Variants in OPCML observed in about 807,000 individuals in gnomAD.
The protein encoded by OPCML is opioid binding protein/cell adhesion molecule like, also known as opioid-binding protein/cell adhesion molecule.
OPCML carries 13 observed loss-of-function variants against 37.8 expected under a neutral mutation model. The observed-to-expected ratio is 0.34, with a 90% confidence interval of 0.22 to 0.55. OPCML has a LOEUF of 0.55. Ranked by LOEUF, OPCML falls within the 20% of genes least tolerant of loss-of-function variation. The pLI is 0.91. For missense variants in OPCML, 341 were observed against 435.6 expected, an observed-to-expected ratio of 0.78 and a Z score of 1.93; for synonymous variants, 176 against 168.8, an observed-to-expected ratio of 1.04 and a Z score of -0.33.
In OPCML at chr11:132,495,594, T is replaced by A. The variant is rs930718633; in HGVS notation, c.505+33467A>T. 7.2e-5 allele frequency among the ~76,000 whole-genome samples: 11 copies of A among 152,276 alleles called. 1 individual carries two copies. In the South Asian group the frequency reaches 2.3e-3, roughly 32 times the overall value. On this transcript the variant is annotated intron_variant, in intron 4 of 7. Transcript: ENST00000524381. Reference sequence around the variant, plus strand: ...AGGATGAATATTGTATAGAGTGGTTTAAAATGTTTGCTCTTGGCCTGGCGC... The same window carrying A: ...AGGATGAATATTGTATAGAGTGGTTAAAAATGTTTGCTCTTGGCCTGGCGC...
rs183144238 is a variant in OPCML at position 133,242,223 on chromosome 11, T to C, written c.61+290041A>G. On this transcript the variant is annotated intron_variant, in intron 1 of 7. Coordinates refer to ENST00000524381, the MANE Select transcript of OPCML (RefSeq NM_001012393.5). ...AGTCACCTGAAGAAGATTTAGAGAA[T>C]GATACGATTACCACATCACCAGGAG... Among the ~76,000 whole-genome samples the C allele has an allele frequency of 1.6e-3, 239 of 152,258 alleles. 1 individual carries two copies. Among genetic ancestry groups the C allele is most frequent in the African/African-American group, 5.5e-3 (227 of 41,550 alleles).
chr11:132,965,364 C>CG (rs1013704151), intron 1 of OPCML, among the ~76,000 whole-genome samples: 39 of 152,042 alleles, frequency 2.6e-4, no homozygotes, highest in South Asian at 1.3e-3. Context: ...TGTTTTGTGT[C>CG]GGGGGGAGAT....
At position 132,480,954 on chromosome 11, in the gene OPCML, G is replaced by T. The variant is rs568882192; in HGVS notation, c.506-43595C>A. 3.3e-5 allele frequency among the ~76,000 whole-genome samples: 5 copies of T among 151,754 alleles called. No individual in the cohort carries two copies. The South Asian group carries it at 1.1e-3, about 32-fold the overall frequency. On this transcript the variant is annotated intron_variant, in intron 4 of 7. Transcript: ENST00000524381. ...AGACCATCGAGACTAGGAAGAAACT[G>T]CATGAAATAATGAGCAAAATAACCA...
chr11:132,447,853 G>T (rs1435482939), intron 4 of OPCML, among the ~76,000 whole-genome samples: 2 of 152,208 alleles, frequency 1.3e-5, no homozygotes, highest in African/African-American at 2.4e-5. Flanking sequence ...CTGGACTGAT[G>T]GTCAAGAAAG....
intron 1 of OPCML, among the ~76,000 whole-genome samples, chr11:133,188,221 C>A (rs1055016048): frequency 1.3e-5 from 2 of 152,198 alleles, no homozygotes; most frequent in Non-Finnish European, 2.9e-5. Context: ...TCATTGAGTT[C>A]CTGAGTGCTG....
At chr11:133,442,533 A>G (rs985419782) in intron 1 of OPCML, among the ~76,000 whole-genome samples, 5 of 152,190 alleles carry the variant, frequency 3.3e-5, no homozygotes, top group Non-Finnish European at 7.3e-5. Context: ...CTCAGAATCA[A>G]CATACATGTC....
At chr11:133,488,730 T>A (rs1947587390) in intron 1 of OPCML, among the ~76,000 whole-genome samples, 1 of 151,974 alleles carries the variant, frequency 6.6e-6, no homozygotes, top group South Asian at 2.1e-4. Context: ...CAATGCTAAA[T>A]CTTATATGGG....
intron 1 of OPCML, among the ~76,000 whole-genome samples, chr11:133,340,608 CTGTG>C (rs5795838): frequency 0.17 from 23,044 of 139,040 alleles, 2,129 homozygotes; most frequent in Middle Eastern, 0.27. Flanking sequence ...AAGACTCTCT[CTGTG>C]TGTGTGTGTG....
chr11:132,944,466 C>G (rs924665241), intron 1 of OPCML, among the ~76,000 whole-genome samples: 4 of 152,294 alleles, frequency 2.6e-5, no homozygotes, highest in Non-Finnish European at 5.9e-5. Flanking sequence ...CTCCGAGGAC[C>G]CACCTCGGAA....
In OPCML at chr11:132,418,795, TAAGGAAAGCCAGCCATAGGTTCCTG is replaced by T. The variant is rs1216202062; in HGVS notation, c.*1373_*1397del. ...TGTTTTTCTCTCAAGTTCTTGCTGC[TAAGGAAAGCCAGCCATAGGTTCCTG>T]ACATGTACTTTCTTGAAGGGTTGAG... On this transcript the variant is annotated 3_prime_UTR_variant, in exon 8 of 8. Transcript: ENST00000524381. 2 of 152,532 alleles carry T rather than the reference TAAGGAAAGCCAGCCATAGGTTCCTG, an allele frequency of 1.3e-5. No individual in the cohort carries two copies. Among genetic ancestry groups the T allele is most frequent in the African/African-American group, 4.8e-5 (2 of 41,442 alleles). The allele number at this position is 152,532 out of a possible 1,614,324, so 9.4% of individuals were successfully genotyped here.
intron 1 of OPCML, among the ~76,000 whole-genome samples, chr11:133,225,469 G>A (rs1162755929): frequency 6.6e-6 from 1 of 152,168 alleles, no homozygotes; most frequent in African/African-American, 2.4e-5. Context: ...GAATGAAGGT[G>A]CTGATATCAA....
chr11:133,427,480 C>T (rs1946026980), intron 1 of OPCML, among the ~76,000 whole-genome samples: 1 of 151,666 alleles, frequency 6.6e-6, no homozygotes, highest in Non-Finnish European at 1.5e-5. Context: ...TAGTAGTAAA[C>T]AAATCTTAAA....
chr11:132,822,762 A>C (rs144281682), intron 2 of OPCML, among the ~76,000 whole-genome samples: 1 of 152,348 alleles, frequency 6.6e-6, no homozygotes, highest in Non-Finnish European at 1.5e-5. Flanking sequence ...CCCACAGCTC[A>C]GTTGTAACCT....
At chr11:133,041,176 C>T (rs116985767) in intron 1 of OPCML, among the ~76,000 whole-genome samples, 5 of 152,172 alleles carry the variant, frequency 3.3e-5, no homozygotes, top group Non-Finnish European at 7.3e-5. Flanking sequence ...CTCATGGGAA[C>T]ATGTTTGGTT....
chr11:133,421,614 A>T, intron 1 of OPCML: 1 of 985,438 alleles, frequency 1.0e-6, no homozygotes. Context: ...TAACCATTGA[A>T]TGTTAAGGCT....
At chr11:133,146,508 T>A (rs952330315) in intron 1 of OPCML, among the ~76,000 whole-genome samples, 3 of 151,864 alleles carry the variant, frequency 2.0e-5, no homozygotes, top group Non-Finnish European at 4.4e-5. Context: ...AGAGGCGGAG[T>A]TTCACTATGT....
At chr11:132,867,074 G>C (rs928589034) in intron 2 of OPCML, among the ~76,000 whole-genome samples, 1 of 152,204 alleles carries the variant, frequency 6.6e-6, no homozygotes, top group Non-Finnish European at 1.5e-5. Flanking sequence ...TGTTATAACA[G>C]GTAATAATTT....
Position 133,449,040 on chromosome 11 carries a change from T to C in OPCML, c.61+83224A>G, listed in dbSNP as rs531440306. Among the ~76,000 whole-genome samples the C allele has an allele frequency of 7.9e-5, 12 of 152,340 alleles. No individual in the cohort carries two copies. The East Asian group carries it at 2.3e-3, about 29-fold the overall frequency. Reference sequence around the variant, plus strand: ...TGGATAATTAACAAGTATTAGTTTATTATTATGCACAATCCATGTTTAGTC... The same window carrying C: ...TGGATAATTAACAAGTATTAGTTTACTATTATGCACAATCCATGTTTAGTC... On this transcript the variant is annotated intron_variant, in intron 1 of 7. Transcript: ENST00000524381.
chr11:133,484,902 G>A (rs780512061), intron 1 of OPCML, among the ~76,000 whole-genome samples: 2 of 151,680 alleles, frequency 1.3e-5, no homozygotes, highest in African/African-American at 2.4e-5. Context: ...TATATGTAAC[G>A]AAAAAGAAAG....
Sources: gnomAD v4.1 joint callset for allele counts (sites outside exome capture counted in the v4.1 genomes callset) on GRCh38, gnomAD v4.1.1 for gene constraint, MANE v1.5 for transcripts, NCBI Gene and HGNC (gene_info 2026-07-23, HGNC 2026-07-21) for gene names.